The following AMOT variants were observed in gnomAD, a reference collection of about 807,000 sequenced individuals.
AMOT encodes angiomotin.
In AMOT, 11 loss-of-function variants were observed where a neutral mutation model predicts 67.0. The ratio of observed to expected loss-of-function variants is 0.16; its 90% CI spans 0.10 to 0.27. The LOEUF (loss-of-function observed/expected upper bound fraction) is 0.27, where lower values mean the gene tolerates loss of function less well. Among genes scored for constraint, AMOT ranks in the 10% least tolerant of loss-of-function variants. AMOT has a pLI of 1.00. For missense variants in AMOT, 753 were observed against 852.0 expected (o/e 0.88, Z 1.45); for synonymous variants, 326 against 321.4 (o/e 1.01, Z -0.15).
chrX:112,778,287 T>G lies in AMOT; in HGVS notation c.*280A>C, dbSNP rs1932988188. 4.6e-6 allele frequency: 1 copy of G among 216,193 alleles called. No individual in the cohort carries two copies. Among genetic ancestry groups the G allele is most frequent in the Non-Finnish European group, 8.4e-6 (1 of 118,567 alleles). The allele number at this position is 216,193 out of a possible 1,213,427, so 17.8% of individuals were successfully genotyped here. A position where few individuals can be genotyped will look rare whatever the true frequency, so the allele number is the denominator to read the frequency against. ...TAAGCACATTGAAAACGTCGATGTA[T>G]AGCCACCTGTTAACAGTCCCAGTAT... On this transcript the variant is annotated 3_prime_UTR_variant, in exon 14 of 14. Transcript: ENST00000371959.
chrX:112,807,945 T>C (rs1433801558), intron 7 of AMOT, among the ~76,000 whole-genome samples: 5 of 112,091 alleles, frequency 4.5e-5, no homozygotes, highest in Admixed American at 9.4e-5. Context: ...CAGGGGACCA[T>C]GACACATGTA....
chrX:112,778,387 CAAA>C lies in AMOT; in HGVS notation c.*177_*179del. On this transcript the variant is annotated 3_prime_UTR_variant, in exon 14 of 14. Coordinates refer to ENST00000371959, the MANE Select transcript of AMOT (RefSeq NM_001113490.2). ...CTTTAGAGGTACTCCCTAAGCATAC[CAAA>C]ATAGACTGGTGTTCACATGGTATTA... 4.9e-6 allele frequency: 2 copies of C among 405,105 alleles called. No homozygotes were observed. Among genetic ancestry groups the C allele is most frequent in the South Asian group, 1.1e-4 (2 of 18,181 alleles). The allele number at this position is 405,105 out of a possible 1,213,427, so 33.4% of individuals were successfully genotyped here.
intron 6 of AMOT, among the ~76,000 whole-genome samples, chrX:112,811,023 AT>A (rs927466171): frequency 8.9e-6 from 1 of 111,994 alleles, no homozygotes; most frequent in African/African-American, 3.2e-5. Context: ...ACATCAGCTC[AT>A]TGCTCAGAAG....
At chrX:112,833,637 G>C (rs962776105) in intron 1 of AMOT, among the ~76,000 whole-genome samples, 1 of 111,986 alleles carries the variant, frequency 8.9e-6, no homozygotes, top group South Asian at 3.7e-4. Flanking sequence ...TAATAAAATG[G>C]TTTGTTGTCA....
chrX:112,838,415 A>G (rs1191859521), intron 1 of AMOT, among the ~76,000 whole-genome samples: 1 of 112,140 alleles, frequency 8.9e-6, no homozygotes, highest in Non-Finnish European at 1.9e-5. Context: ...GGCTCTTGGG[A>G]GAGGCACAGA....
At chrX:112,815,321 A>G (rs770803873) in intron 5 of AMOT, 37 bp downstream of exon 5, 1 of 1,166,978 alleles carries the variant, frequency 8.6e-7, no homozygotes, top group Non-Finnish European at 1.1e-6. Context: ...ACAAATAAAG[A>G]CTTAGAGACC....
At chrX:112,785,139 G>A (rs1005434711) in intron 10 of AMOT, among the ~76,000 whole-genome samples, 1 of 112,120 alleles carries the variant, frequency 8.9e-6, no homozygotes, top group African/African-American at 3.2e-5. Context: ...ACTCCAAGAC[G>A]TTCTTTAAGA....
intron 2 of AMOT, among the ~76,000 whole-genome samples, chrX:112,829,677 T>C (rs1208416189): frequency 2.7e-5 from 3 of 112,462 alleles, no homozygotes; most frequent in Non-Finnish European, 5.6e-5. Flanking sequence ...TTACTGAGGA[T>C]CAGTGTGAGA....
intron 8 of AMOT, among the ~76,000 whole-genome samples, chrX:112,800,228 C>T (rs1270254358): frequency 9.4e-6 from 1 of 106,756 alleles, no homozygotes; most frequent in Non-Finnish European, 1.9e-5. Context: ...GAGACTGCAT[C>T]TCAATGAATA....
At chrX:112,830,954 A>T (rs1005845326) in intron 2 of AMOT, among the ~76,000 whole-genome samples, 1 of 111,278 alleles carries the variant, frequency 9.0e-6, no homozygotes, top group Non-Finnish European at 1.9e-5. Context: ...AATATATCTT[A>T]AGGGACATTT....
rs960473795 is a variant in AMOT, at chrX:112,823,056, C to T, written c.71G>A (p.Arg24His). Reference sequence around the variant, plus strand: ...GCGATTCTCACTAGGATTGCCATAGCGAAGCTGCTCTTGTAGCAAACGCTG... The same window carrying T: ...GCGATTCTCACTAGGATTGCCATAGTGAAGCTGCTCTTGTAGCAAACGCTG... ...VLQRLLQEQL[R>H]YGNPSENRSL... is the part of the protein sequence containing the mutation. Residue 24 changes from arginine to histidine, a missense_variant, in exon 4 of 14, where the codon CGC becomes CAC. Physicochemically the swap from Arg to His is conservative, Grantham distance 29. This residue lies in a region of AMOT where 118 missense variants were observed against 125.9 expected (regional missense o/e 0.94). Coordinates refer to ENST00000371959, the MANE Select transcript of AMOT (RefSeq NM_001113490.2). 3 of 1,167,381 alleles carry T rather than the reference C, an allele frequency of 2.6e-6. No individual in the cohort carries two copies. Among genetic ancestry groups the T allele is most frequent in the East Asian group, 3.3e-5 (1 of 30,724 alleles).
rs750925818 is a variant in AMOT at position 112,810,287 on chromosome X, G to C, written c.1538-301C>G. Among the ~76,000 whole-genome samples the C allele has an allele frequency of 3.6e-5, 4 of 110,858 alleles. No homozygotes were observed. The South Asian group carries it at 1.1e-3, about 31-fold the overall frequency. ...ATATAAAGATATCTTTCATTAACCA[G>C]AAAAAAAAGAGTATCACAGTTATTA... On this transcript the variant is annotated intron_variant, in intron 6 of 13. Coordinates refer to ENST00000371959, the MANE Select transcript of AMOT (RefSeq NM_001113490.2).
At chrX:112,816,789 T>C in intron 4 of AMOT, among the ~76,000 whole-genome samples, 1 of 111,923 alleles carries the variant, frequency 8.9e-6, no homozygotes, top group Non-Finnish European at 1.9e-5. Flanking sequence ...GATACTTAGA[T>C]TTCCAACCTA....
chrX:112,783,294 C>CAAA (rs377256668), intron 10 of AMOT, among the ~76,000 whole-genome samples: 1 of 49,832 alleles, frequency 2.0e-5, no homozygotes. Flanking sequence ...GACTCTGTCT[C>CAAA]AAAAAAAAAA....
chrX:112,814,636 A>C, intron 5 of AMOT, among the ~76,000 whole-genome samples: 1 of 112,299 alleles, frequency 8.9e-6, no homozygotes, highest in South Asian at 3.7e-4. Flanking sequence ...GTAAAGTCCC[A>C]ATGGGGGTGG....
chrX:112,807,351 G>GC (rs1284453564), intron 7 of AMOT, among the ~76,000 whole-genome samples: 5 of 110,097 alleles, frequency 4.5e-5, no homozygotes, highest in Non-Finnish European at 9.5e-5. Context: ...TACCACAGTT[G>GC]CCTTTTACCC....
chrX:112,780,928 T>C lies in AMOT; in HGVS notation c.2431A>G (p.Met811Val), dbSNP rs758101016. The C allele has an allele frequency of 5.8e-6, 7 of 1,211,958 alleles. No individual in the cohort carries two copies. The South Asian group carries it at 1.2e-4, about 21-fold the overall frequency. The stretch of plus-strand genomic sequence containing the variant: ...CTCTTGTCGTCTCGCTTTTCTTCCA[T>C]GATGGGGGAGCCAGTCAGGGTGGAT... ...HSSTLTGSPIMEEKRDDKSWK... is the reference protein window; with the variant it reads ...HSSTLTGSPIVEEKRDDKSWK... The change falls in exon 12 of 14, where the codon ATG (methionine) becomes GTG (valine). Residue 811 changes from methionine (M) to valine (V), a missense_variant. Physicochemically the swap from Met to Val is conservative, Grantham distance 21 (BLOSUM62 1). Around this residue, in one of 5 missense-constraint regions of AMOT, gnomAD observed 269 missense variants for 300.9 expected, o/e 0.89. Transcript: ENST00000371959.
At chrX:112,788,782 C>G (rs920569329) in intron 10 of AMOT, among the ~76,000 whole-genome samples, 4 of 112,226 alleles carry the variant, frequency 3.6e-5, no homozygotes, top group African/African-American at 6.5e-5. Flanking sequence ...GGGAACCAGG[C>G]TGTGTTTTAG....
Position 112,785,015 on chromosome X carries a change from C to T in AMOT, c.2118-2353G>A, listed in dbSNP as rs779540213. Among the ~76,000 whole-genome samples the T allele has an allele frequency of 4.5e-5, 5 of 111,890 alleles. No individual in the cohort carries two copies. In the Admixed American group the frequency reaches 4.7e-4, roughly 11 times the overall value. Reference sequence around the variant, plus strand: ...GTGAATTCCGACAGGGCTGCCAGGGCAGCCCTCAGCATCAATCTTCCTTCT... The same window carrying T: ...GTGAATTCCGACAGGGCTGCCAGGGTAGCCCTCAGCATCAATCTTCCTTCT... On this transcript the variant is annotated intron_variant, in intron 10 of 13. Transcript: ENST00000371959.
Sources: gnomAD v4.1 joint callset for allele counts (sites outside exome capture counted in the v4.1 genomes callset) on GRCh38, gnomAD v4.1.1 for gene constraint, gnomAD v4.1.1 regional missense constraint, MANE v1.5 for transcripts, NCBI Gene and HGNC (gene_info 2026-07-23, HGNC 2026-07-21) for gene names.